The following CHI3L1 variants were observed in gnomAD, a reference collection of about 807,000 sequenced individuals.
The protein encoded by CHI3L1 is chitinase 3 like 1.
CHI3L1 carries 30 observed loss-of-function variants against 40.7 expected under a neutral mutation model. That is an observed-to-expected ratio of 0.74 (90% CI 0.55 to 1.00). CHI3L1 has a LOEUF of 1.00. Ranked by LOEUF, CHI3L1 falls within the 50% of genes least tolerant of loss-of-function variation. The probability of loss-of-function intolerance (pLI) is 0.00; values close to 1 mark genes in which losing one functional copy is unlikely to be tolerated. For synonymous variants in CHI3L1, 210 were observed against 192.1 expected, an observed-to-expected ratio of 1.09 and a Z score of -0.77; for missense variants, 493 against 492.2, an observed-to-expected ratio of 1.00 and a Z score of -0.01.
At chr1:203,179,974 C>A in intron 8 of CHI3L1, 97 bp from the exon 9 acceptor site, 1 of 1,091,894 alleles carries the variant, frequency 9.2e-7, no homozygotes. Context: ...TTAGCTCCTG[C>A]TCCATCCTGC....
rs1281091502 is a variant in CHI3L1 at position 203,179,456 on chromosome 1, C to T, written c.1141G>A (p.Ala381Thr). ...TGCAGAACAGAGGGCTACGTTGCAG[C>T]GAGTGCATCCTTGATGGCATTGGTG... ...PLTNAIKDAL[A>T]AT Residue 381 changes from alanine (A) to threonine (T), a missense_variant, in exon 10 of 10, where the codon GCT (alanine) becomes ACT (threonine). Coordinates refer to ENST00000255409, the MANE Select transcript of CHI3L1 (RefSeq NM_001276.4). 8 of 1,537,676 alleles carry T rather than the reference C, an allele frequency of 5.2e-6. No homozygotes were observed. The highest frequency in any genetic ancestry group is 4.5e-5 in the East Asian group (2 of 44,146).
chr1:203,180,782 A>G (rs1655919738), intron 7 of CHI3L1, 130 bp from the exon 8 acceptor site: 4 of 681,296 alleles, frequency 5.9e-6, no homozygotes, highest in Non-Finnish European at 9.7e-6. Context: ...TCCCTCCGGG[A>G]ACGGATCATG....
At chr1:203,180,317 CT>C in intron 8 of CHI3L1, 152 bp downstream of exon 8, 1 of 703,924 alleles carries the variant, frequency 1.4e-6, no homozygotes, top group Non-Finnish European at 2.3e-6. Flanking sequence ...AACAAATGTC[CT>C]AACCTCTCCC....
Position 203,179,163 on chromosome 1 carries a change from C to A in CHI3L1, c.*282G>T. On this transcript the variant is annotated 3_prime_UTR_variant, in exon 10 of 10. Coordinates refer to ENST00000255409, the MANE Select transcript of CHI3L1 (RefSeq NM_001276.4). ...GCAGGGAGTTGAAGAAATTCCCTTG[C>A]CAGGCTTGGGGATCTGTAAACATTT... 3.6e-6 allele frequency: 1 copy of A among 278,786 alleles called. No individual in the cohort carries two copies. 17.3% of individuals were successfully genotyped at this position (278,786 alleles called of 1,614,324 possible).
rs945283692 is a variant in CHI3L1, at chr1:203,181,344, C to T, written c.588-59G>A. The T allele has an allele frequency of 1.2e-4, 186 of 1,579,380 alleles. 1 individual carries two copies. Among genetic ancestry groups the T allele is most frequent in the South Asian group, 5.7e-4 (50 of 87,342 alleles). ...AATTATTAATAGAAAAGCTTTAGGC[C>T]GGGCGTGGTGGCTCATACCTGGAAT... is the stretch of plus-strand genomic sequence containing the variant. On this transcript the variant is annotated intron_variant, in intron 6 of 9. Coordinates refer to ENST00000255409, the MANE Select transcript of CHI3L1 (RefSeq NM_001276.4).
chr1:203,184,010 G>GTGA (rs891550613), intron 4 of CHI3L1, among the ~76,000 whole-genome samples: 4 of 152,200 alleles, frequency 2.6e-5, no homozygotes, highest in African/African-American at 9.7e-5. Flanking sequence ...GCCAGCCACT[G>GTGA]TGAAAGGTTA....
intron 1 of CHI3L1, 109 bp downstream of exon 1, chr1:203,186,490 C>G (rs1278099614): frequency 6.5e-6 from 10 of 1,541,028 alleles, no homozygotes. Context: ...CTTCTCCTCC[C>G]CCTCTGCCCA....
chr1:203,181,022 A>G, intron 7 of CHI3L1, 140 bp downstream of exon 7: 6 of 1,175,848 alleles, frequency 5.1e-6, no homozygotes, highest in Non-Finnish European at 7.1e-6. Context: ...TTTGGGCCTC[A>G]GTTTCCTTAT....
At chr1:203,182,690 G>T (rs1655960656) in intron 6 of CHI3L1, 41 bp downstream of exon 6, 1 of 1,612,410 alleles carries the variant, frequency 6.2e-7, no homozygotes, top group Admixed American at 1.7e-5. Context: ...CAGGAGTGTT[G>T]GCAGAGGTTC....
At position 203,186,323 on chromosome 1, in the gene CHI3L1, G is replaced by C; in HGVS notation, c.48C>G (p.Leu16=). The change falls in exon 2 of 10, where the codon CTC becomes CTG. Residue 16 remains leucine, a synonymous_variant. Coordinates refer to ENST00000255409, the MANE Select transcript of CHI3L1 (RefSeq NM_001276.4). ...GGTGGAGGGATTACTCACAGCACTG[G>C]AGCAGCACCAGGACCACAAAGCCTG... is the stretch of plus-strand genomic sequence containing the variant. ...SQTGFVVLVL[L]QCCSAYKLVC... is the part of the protein sequence containing the mutation. 6.3e-7 allele frequency: 1 copy of C among 1,591,132 alleles called. No homozygotes were observed. The highest frequency in any genetic ancestry group is 8.6e-7 in the Non-Finnish European group (1 of 1,167,880).
Position 203,181,226 on chromosome 1 carries a change from G to A in CHI3L1, c.647C>T (p.Thr216Ile). Residue 216 changes from threonine (T) to isoleucine (I), a missense_variant, in exon 7 of 10, where the codon ACA becomes ATA. Transcript: ENST00000255409. ...TCGGAACAGGGGACTGTGATGGCCT[G>A]TGGTCCCACGCCAGGCTCCATGAAA... is the stretch of plus-strand genomic sequence containing the variant. ...YDFHGAWRGTTGHHSPLFRGQ... is the reference protein window; with the variant it reads ...YDFHGAWRGTIGHHSPLFRGQ... The A allele has an allele frequency of 1.2e-6, 2 of 1,614,166 alleles. No individual in the cohort carries two copies. The highest frequency in any genetic ancestry group is 1.7e-6 in the Non-Finnish European group (2 of 1,180,000).
At chr1:203,186,473 G>T in intron 1 of CHI3L1, 126 bp downstream of exon 1, 2 of 1,265,476 alleles carry the variant, frequency 1.6e-6, no homozygotes, top group African/African-American at 1.8e-5. Flanking sequence ...TCCCTCCCCT[G>T]GCTCTGCTTC....
At chr1:203,180,067 G>A in intron 8 of CHI3L1, 190 bp from the exon 9 acceptor site, 2 of 612,048 alleles carry the variant, frequency 3.3e-6, no homozygotes, top group East Asian at 5.6e-5. Flanking sequence ...AGAGATGGTG[G>A]CTGCCTTGGC....
At chr1:203,183,607 C>A (rs767516954) in intron 5 of CHI3L1, 34 bp downstream of exon 5, 1 of 1,611,592 alleles carries the variant, frequency 6.2e-7, no homozygotes, top group Admixed American at 1.7e-5. Context: ...TCATGCCTGC[C>A]CACCTCCCTC....
intron 2 of CHI3L1, 56 bp from the exon 3 acceptor site, chr1:203,185,441 C>G (rs921193513): frequency 4.6e-6 from 7 of 1,515,082 alleles, no homozygotes; most frequent in Non-Finnish European, 6.4e-6. Context: ...AGACCTCAGG[C>G]TGAGCCCAGA....
Position 203,180,536 on chromosome 1 carries a change from G to T in CHI3L1, c.828C>A (p.Ala276=). The T allele has an allele frequency of 6.2e-7, 1 of 1,610,646 alleles. No homozygotes were observed. The highest frequency in any genetic ancestry group is 8.5e-7 in the Non-Finnish European group (1 of 1,178,850). ...CTGGAATTCCCGGTCCTGAGATTGG[G>T]GCTCCAACACCAGTCTCAGAAGAAG... is the stretch of plus-strand genomic sequence containing the variant. ...TLASSETGVG[A]PISGPGIPGR... The change falls in exon 8 of 10, where the codon GCC becomes GCA. Residue 276 remains alanine (A), a synonymous_variant. Transcript: ENST00000255409.
rs201313181 is a variant in CHI3L1 at position 203,179,492 on chromosome 1, G to C, written c.1105C>G (p.Arg369Gly). 2.7e-4 allele frequency: 427 copies of C among 1,571,470 alleles called. No individual in the cohort carries two copies. The highest frequency in any genetic ancestry group is 1.2e-3 in the Middle Eastern group (7 of 5,828). Reference protein sequence around the residue: ...FQGSFCGQDLRFPLTNAIKDA... With the variant: ...FQGSFCGQDLGFPLTNAIKDA... ...TTGATGGCATTGGTGAGAGGGAAGC[G>C]CAGATCCTGGCCACAGAAGGAGCCC... Residue 369 changes from arginine to glycine, a missense_variant, in exon 10 of 10, where the codon CGC (arginine) becomes GGC (glycine). Transcript: ENST00000255409.
At chr1:203,179,957 A>C in intron 8 of CHI3L1, 80 bp from the exon 9 acceptor site, 6 of 1,322,690 alleles carry the variant, frequency 4.5e-6, no homozygotes, top group South Asian at 1.3e-5. Flanking sequence ...CACTCTCCAA[A>C]TCTCTTTTAG....
Position 203,184,984 on chromosome 1 carries a change from C to T in CHI3L1, c.257+200G>A, listed in dbSNP as rs772765918. Among the ~76,000 whole-genome samples the T allele has an allele frequency of 1.3e-4, 20 of 152,146 alleles. 1 individual carries two copies. The highest frequency in any genetic ancestry group is 2.8e-4 in the Non-Finnish European group (19 of 68,010). ...CCCCTCTCCCAGAGGGGCTCAGCTG[C>T]GCTTCCGTCTACAGTCTCTCATCAC... On this transcript the variant is annotated intron_variant, in intron 3 of 9. Transcript: ENST00000255409.
Sources: gnomAD v4.1 joint callset for allele counts (sites outside exome capture counted in the v4.1 genomes callset) on GRCh38, gnomAD v4.1.1 for gene constraint, MANE v1.5 for transcripts, NCBI Gene and HGNC (gene_info 2026-07-23, HGNC 2026-07-21) for gene names.